Variants in EXOC6 observed in about 807,000 individuals in gnomAD.
EXOC6 encodes exocyst complex component 6.
A neutral mutation model predicts 112.5 loss-of-function variants in EXOC6; 60 were observed. The observed-to-expected ratio is 0.53, with a 90% CI of 0.43 to 0.66. EXOC6 has a LOEUF of 0.66. Among genes scored for constraint, EXOC6 ranks in the 30% least tolerant of loss-of-function variants. EXOC6 has a pLI of 0.00. For synonymous variants in EXOC6, 295 were observed against 308.0 expected (o/e 0.96, Z 0.44); for missense variants, 855 against 957.1 (o/e 0.89, Z 1.41).
At chr10:92,888,719 ATTAC>A (rs1452785737) in intron 1 of EXOC6, among the ~76,000 whole-genome samples, 1 of 152,212 alleles carries the variant, frequency 6.6e-6, no homozygotes, top group African/African-American at 2.4e-5. Flanking sequence ...GTGTATGTAT[ATTAC>A]TTAAATACAA....
chr10:92,914,482 A>T (rs1234254612), intron 6 of EXOC6, among the ~76,000 whole-genome samples: 1 of 152,088 alleles, frequency 6.6e-6, no homozygotes, highest in Non-Finnish European at 1.5e-5. Context: ...TTTTTCAAGG[A>T]ACATCTGTTT....
chr10:92,952,222 CA>C, intron 14 of EXOC6, 50 bp from the exon 15 acceptor site: 1 of 1,114,440 alleles, frequency 9.0e-7, no homozygotes, highest in South Asian at 1.4e-5. Flanking sequence ...TAGTGATTAG[CA>C]TGTCTTTTTC....
At chr10:92,891,349 A>G (rs1426389879) in intron 1 of EXOC6, among the ~76,000 whole-genome samples, 3 of 152,314 alleles carry the variant, frequency 2.0e-5, no homozygotes, top group Non-Finnish European at 4.4e-5. Context: ...GGAGATAGAA[A>G]AGAGAATATG....
chr10:92,972,601 G>A (rs1161682295), intron 17 of EXOC6, among the ~76,000 whole-genome samples: 1 of 152,104 alleles, frequency 6.6e-6, no homozygotes, highest in Non-Finnish European at 1.5e-5. Flanking sequence ...TATGTTATGA[G>A]TGTACATTGA....
chr10:92,930,259 T>C (rs1179474025), intron 9 of EXOC6, among the ~76,000 whole-genome samples: 1 of 152,190 alleles, frequency 6.6e-6, no homozygotes, highest in Non-Finnish European at 1.5e-5. Context: ...TCCCAGCGCT[T>C]TGGGAGGCTG....
At chr10:93,043,186 C>G (rs917827019) in intron 20 of EXOC6, among the ~76,000 whole-genome samples, 1 of 152,062 alleles carries the variant, frequency 6.6e-6, no homozygotes, top group East Asian at 1.9e-4. Context: ...CCACCCGCCT[C>G]GGCCTCCCAA....
chr10:92,981,846 G>A (rs982046583), intron 18 of EXOC6, among the ~76,000 whole-genome samples: 2 of 152,072 alleles, frequency 1.3e-5, no homozygotes, highest in Non-Finnish European at 2.9e-5. Flanking sequence ...GGCTGGGTGC[G>A]GTGGCTCACG....
intron 18 of EXOC6, among the ~76,000 whole-genome samples, chr10:92,988,502 C>G (rs1843099577): frequency 6.6e-6 from 1 of 152,176 alleles, no homozygotes; most frequent in Admixed American, 6.5e-5. Flanking sequence ...AACAGTGTCT[C>G]CTTACTTCAG....
intron 8 of EXOC6, among the ~76,000 whole-genome samples, chr10:92,920,416 C>T (rs1851361546): frequency 6.6e-6 from 1 of 152,016 alleles, no homozygotes; most frequent in Non-Finnish European, 1.5e-5. Context: ...AGATCTAGTT[C>T]ACATACGAAA....
chr10:92,842,696 G>A (rs1220868813), intron 1 of EXOC6, among the ~76,000 whole-genome samples: 1 of 151,970 alleles, frequency 6.6e-6, no homozygotes, highest in African/African-American at 2.4e-5. Context: ...TAAACTGGTG[G>A]TGGTGGTGGA....
intron 7 of EXOC6, among the ~76,000 whole-genome samples, chr10:92,917,670 A>T (rs1819468657): frequency 6.6e-6 from 1 of 151,822 alleles, no homozygotes; most frequent in Non-Finnish European, 1.5e-5. Flanking sequence ...GACTAAAAGC[A>T]CACTATCACC....
chr10:93,056,282 CAA>C (rs1241028619), intron 20 of EXOC6, among the ~76,000 whole-genome samples: 1 of 152,148 alleles, frequency 6.6e-6, no homozygotes, highest in Non-Finnish European at 1.5e-5. Flanking sequence ...CCACGGGAAA[CAA>C]GAGGGTTTCT....
intron 6 of EXOC6, among the ~76,000 whole-genome samples, chr10:92,914,683 GGTAAGAGAGGAGCCAGATTA>G (rs754115276): frequency 2.0e-5 from 3 of 152,130 alleles, no homozygotes; most frequent in Non-Finnish European, 2.9e-5. Flanking sequence ...TCAAAGTCTA[GGTAAGAGAGGAGCCAGATTA>G]CTGCAACTTG....
At chr10:92,954,093 C>G (rs1434325019) in intron 15 of EXOC6, among the ~76,000 whole-genome samples, 2 of 152,016 alleles carry the variant, frequency 1.3e-5, no homozygotes, top group African/African-American at 4.8e-5. Context: ...CCAGCCTGGG[C>G]AACATAGTGC....
At chr10:93,016,777 A>C (rs1590047526) in intron 20 of EXOC6, among the ~76,000 whole-genome samples, 1 of 151,590 alleles carries the variant, frequency 6.6e-6, no homozygotes, top group Non-Finnish European at 1.5e-5. Flanking sequence ...AAATAACAAA[A>C]TTCCCTTGTC....
intron 20 of EXOC6, among the ~76,000 whole-genome samples, chr10:93,037,163 G>A (rs1442349941): frequency 7.2e-6 from 1 of 139,166 alleles, no homozygotes; most frequent in Non-Finnish European, 1.5e-5. Context: ...TTTTTTTTTG[G>A]AGACAGGGTT....
At chr10:92,873,383 A>G (rs1056872021) in intron 1 of EXOC6, among the ~76,000 whole-genome samples, 5 of 152,224 alleles carry the variant, frequency 3.3e-5, no homozygotes, top group African/African-American at 1.2e-4. Context: ...AACACACGAC[A>G]CTAGACTTTT....
intron 14 of EXOC6, among the ~76,000 whole-genome samples, chr10:92,949,594 CTTT>C (rs35310204): frequency 7.7e-6 from 1 of 129,334 alleles, no homozygotes. Flanking sequence ...CTGCTTGTGG[CTTT>C]TTTTTTTTTT....
At chr10:92,834,932 G>T in intron 1 of EXOC6, 7 of 594,750 alleles carry the variant, frequency 1.2e-5, no homozygotes, top group Non-Finnish European at 2.0e-5. Context: ...TTGCAAAACA[G>T]TTACAGTTCT....
Sources: gnomAD v4.1 joint callset for allele counts (sites outside exome capture counted in the v4.1 genomes callset) on GRCh38, gnomAD v4.1.1 for gene constraint, MANE v1.5 for transcripts, NCBI Gene and HGNC (gene_info 2026-07-23, HGNC 2026-07-21) for gene names.